The following FRS2 variants were observed in gnomAD, a reference collection of about 807,000 sequenced individuals.
FRS2 encodes FGFR signalling adaptor.
In FRS2, 8 loss-of-function variants were observed where a neutral mutation model predicts 43.9. The observed-to-expected ratio is 0.18, with a 90% CI of 0.11 to 0.33. The LOEUF is 0.33. Among genes scored for constraint, FRS2 ranks in the 10% least tolerant of loss-of-function variants. The probability of loss-of-function intolerance (pLI) is 1.00; values close to 1 mark genes in which losing one functional copy is unlikely to be tolerated. For synonymous variants in FRS2, 219 were observed against 220.3 expected, an observed-to-expected ratio of 0.99 and a Z score of 0.05; for missense variants, 534 against 627.6, an observed-to-expected ratio of 0.85 and a Z score of 1.59.
intron 3 of FRS2, among the ~76,000 whole-genome samples, chr12:69,547,155 G>A (rs1186874959): frequency 6.6e-6 from 1 of 152,198 alleles, no homozygotes; most frequent in Non-Finnish European, 1.5e-5. Context: ...TGTGAAGGAG[G>A]TAGTATAGTC....
intron 4 of FRS2, among the ~76,000 whole-genome samples, chr12:69,567,352 A>T (rs1013838769): frequency 2.0e-5 from 3 of 152,198 alleles, no homozygotes; most frequent in African/African-American, 7.2e-5. Flanking sequence ...TTTATACGCT[A>T]GTACACTTTT....
At chr12:69,567,188 C>T (rs1880376659) in intron 4 of FRS2, among the ~76,000 whole-genome samples, 1 of 152,106 alleles carries the variant, frequency 6.6e-6, no homozygotes, top group Non-Finnish European at 1.5e-5. Flanking sequence ...TTCTCTCTCT[C>T]CCCCTTGATA....
chr12:69,475,621 TTAGA>T (rs1288201963), intron 1 of FRS2, among the ~76,000 whole-genome samples: 4 of 152,322 alleles, frequency 2.6e-5, no homozygotes, highest in African/African-American at 9.6e-5. Context: ...GACTCTAGAA[TTAGA>T]TAGACCCGTG....
chr12:69,563,505 C>T (rs1250421727), intron 4 of FRS2, among the ~76,000 whole-genome samples: 1 of 152,136 alleles, frequency 6.6e-6, no homozygotes, highest in African/African-American at 2.4e-5. Flanking sequence ...CATGATCTGT[C>T]ACTTCAAACC....
intron 3 of FRS2, among the ~76,000 whole-genome samples, chr12:69,542,340 C>G (rs1414618366): frequency 1.3e-5 from 2 of 152,110 alleles, no homozygotes; most frequent in Non-Finnish European, 2.9e-5. Flanking sequence ...GGTTCCACAC[C>G]TGCAAATTCA....
intron 3 of FRS2, among the ~76,000 whole-genome samples, chr12:69,547,855 T>G (rs936364103): frequency 2.1e-4 from 25 of 121,330 alleles, no homozygotes; most frequent in Admixed American, 5.8e-4. Flanking sequence ...TTTTTTTTTT[T>G]TGTGAGTCAG....
intron 3 of FRS2, among the ~76,000 whole-genome samples, chr12:69,550,597 A>C (rs1321543024): frequency 2.0e-5 from 3 of 152,238 alleles, no homozygotes; most frequent in African/African-American, 7.2e-5. Flanking sequence ...ACCTGTCTCA[A>C]AACATACAAT....
intron 3 of FRS2, among the ~76,000 whole-genome samples, chr12:69,554,561 A>G (rs1414180969): frequency 1.3e-5 from 2 of 152,224 alleles, no homozygotes; most frequent in Non-Finnish European, 2.9e-5. Context: ...AACATCTTAC[A>G]TAACCGTGAC....
chr12:69,513,856 T>G (rs1366525826), intron 1 of FRS2, among the ~76,000 whole-genome samples: 1 of 152,192 alleles, frequency 6.6e-6, no homozygotes, highest in East Asian at 1.9e-4. Flanking sequence ...ATAGAGTTGT[T>G]TTCCTGTGAT....
In FRS2 at chr12:69,574,081, C is replaced by T. The variant is rs1022465457; in HGVS notation, c.653C>T (p.Ala218Val). The change falls in exon 9 of 9, where the codon GCG becomes GTG. Residue 218 changes from alanine to valine, a missense_variant. Physicochemically the swap from Ala to Val is moderately conservative, Grantham distance 64. Around this residue, in one of 3 missense-constraint regions of FRS2, gnomAD observed 446 missense variants for 494.2 expected, o/e 0.90. Transcript: ENST00000549921. Reference protein sequence around the residue: ...NRTSVHVPLEARVSNAESSTP... With the variant: ...NRTSVHVPLEVRVSNAESSTP... ...ACAAGTGTGCATGTTCCATTGGAGG[C>T]GAGGGTTTCTAACGCTGAAAGCAGC... 39 of 1,614,000 alleles carry T rather than the reference C, an allele frequency of 2.4e-5. No homozygotes were observed. The highest frequency in any genetic ancestry group is 5.3e-5 in the African/African-American group (4 of 74,928).
At chr12:69,561,820 G>A (rs1565776099) in intron 3 of FRS2, among the ~76,000 whole-genome samples, 1 of 152,134 alleles carries the variant, frequency 6.6e-6, no homozygotes, top group Admixed American at 6.5e-5. Flanking sequence ...GCCAAAATGG[G>A]TTTTTAGAGG....
At chr12:69,543,698 G>A (rs1878118503) in intron 3 of FRS2, among the ~76,000 whole-genome samples, 1 of 152,156 alleles carries the variant, frequency 6.6e-6, no homozygotes, top group Non-Finnish European at 1.5e-5. Context: ...GCAAGTGAAG[G>A]AGCAAGCTAT....
At chr12:69,536,127 TTTTTTTTTTTTTTTGG>T (rs1877271924) in intron 3 of FRS2, among the ~76,000 whole-genome samples, 2 of 63,226 alleles carry the variant, frequency 3.2e-5, no homozygotes, top group African/African-American at 7.4e-5. Context: ...TTTTTTTTTT[TTTTTTTTTTTTTTTGG>T]AGACGAAGTC....
intron 1 of FRS2, among the ~76,000 whole-genome samples, chr12:69,493,314 A>G (rs970399408): frequency 2.6e-5 from 4 of 152,190 alleles, no homozygotes; most frequent in African/African-American, 4.8e-5. Context: ...CAGACGATTT[A>G]TGGATTGTGG....
chr12:69,481,218 C>T (rs1337661841), intron 1 of FRS2, among the ~76,000 whole-genome samples: 2 of 151,700 alleles, frequency 1.3e-5, no homozygotes, highest in East Asian at 3.9e-4. Context: ...GGGTGTATTT[C>T]CTAAGAATAA....
chr12:69,483,346 T>C (rs180902454), intron 1 of FRS2, among the ~76,000 whole-genome samples: 1 of 152,324 alleles, frequency 6.6e-6, no homozygotes, highest in Non-Finnish European at 1.5e-5. Context: ...TGCCTCTTTG[T>C]AGTTACAATG....
chr12:69,514,369 C>T (rs528856), intron 1 of FRS2, among the ~76,000 whole-genome samples: 109,063 of 152,040 alleles, frequency 0.72, 39,578 homozygotes, highest in South Asian at 0.86. Context: ...ACCTCTGCCC[C>T]AGACTTGACC....
rs947745399 is a variant in FRS2, at chr12:69,576,815, G to A, written c.*1860G>A. 3 of 152,532 alleles carry A rather than the reference G, an allele frequency of 2.0e-5. No individual in the cohort carries two copies. The highest frequency in any genetic ancestry group is 7.2e-5 in the African/African-American group (3 of 41,414). 9.4% of individuals were successfully genotyped at this position (152,532 alleles called of 1,614,324 possible). Reference sequence around the variant, plus strand: ...TCTTTTCTCCCTTTTGTTCCCCTGTGAACTTGGTGCTTATTAAAGTGCTCA... The same window carrying A: ...TCTTTTCTCCCTTTTGTTCCCCTGTAAACTTGGTGCTTATTAAAGTGCTCA... On this transcript the variant is annotated 3_prime_UTR_variant, in exon 9 of 9. Transcript: ENST00000549921.
chr12:69,483,569 C>T (rs1871535116), intron 1 of FRS2, among the ~76,000 whole-genome samples: 1 of 151,980 alleles, frequency 6.6e-6, no homozygotes, highest in Non-Finnish European at 1.5e-5. Context: ...TCATATACAT[C>T]TTCTATCACT....
Sources: gnomAD v4.1 joint callset for allele counts (sites outside exome capture counted in the v4.1 genomes callset) on GRCh38, gnomAD v4.1.1 for gene constraint, gnomAD v4.1.1 regional missense constraint, MANE v1.5 for transcripts, NCBI Gene and HGNC (gene_info 2026-07-23, HGNC 2026-07-21) for gene names.